Variants in ATP6V0E2 observed in about 807,000 individuals in gnomAD.
ATP6V0E2 encodes ATPase H+ transporting V0 subunit e2.
A neutral mutation model predicts 11.5 loss-of-function variants in ATP6V0E2; 4 were observed. The observed-to-expected ratio is 0.35, with a 90% CI of 0.17 to 0.80. ATP6V0E2 has a LOEUF of 0.80. ATP6V0E2 is among the 30% of genes least tolerant of loss of function. ATP6V0E2 has a pLI of 0.53. For missense variants in ATP6V0E2, 93 were observed against 113.5 expected (o/e 0.82, Z 0.82); for synonymous variants, 52 against 51.0 (o/e 1.02, Z -0.09).
At chr7:149,874,382 G>A (rs762040992) in intron 1 of ATP6V0E2, among the ~76,000 whole-genome samples, 1 of 152,174 alleles carries the variant, frequency 6.6e-6, no homozygotes, top group Non-Finnish European at 1.5e-5. Flanking sequence ...TATCCAGAAG[G>A]TAAAGAGGAG....
Position 149,874,134 on chromosome 7 carries a change from C to A in ATP6V0E2, c.69C>A (p.Ala23=). Reference sequence around the variant, plus strand: ...CGTTCTGGGGCCTCGTCGGCATCGCCGGGCCCTGGTTCGTGCCGAAGGGAC... The same window carrying A: ...CGTTCTGGGGCCTCGTCGGCATCGCAGGGCCCTGGTTCGTGCCGAAGGGAC... ...FTTFWGLVGI[A]GPWFVPKGPN... The change falls in exon 1 of 4, where the codon GCC becomes GCA. Residue 23 remains alanine (A), a synonymous_variant. Transcript: ENST00000425642. The A allele has an allele frequency of 6.5e-7, 1 of 1,549,868 alleles. No individual in the cohort carries two copies.
upstream of ATP6V0E2, chr7:149,873,885 T>G (rs148579932): frequency 1.3e-6 from 2 of 1,490,884 alleles, no homozygotes; most frequent in Non-Finnish European, 8.9e-7. Context: ...CCTAGGCAGG[T>G]CCTGAGTGAC....
In ATP6V0E2 at chr7:149,880,632, G is replaced by C. The variant is rs1803418749; in HGVS notation, c.*1317G>C. 2 of 152,398 alleles carry C rather than the reference G, an allele frequency of 1.3e-5. No homozygotes were observed. Among genetic ancestry groups the C allele is most frequent in the Non-Finnish European group, 2.9e-5 (2 of 68,176 alleles). 9.4% of individuals were successfully genotyped at this position (152,398 alleles called of 1,614,324 possible). A position where few individuals can be genotyped will look rare whatever the true frequency, so the allele number is the denominator to read the frequency against. On this transcript the variant is annotated 3_prime_UTR_variant, in exon 4 of 4. Coordinates refer to ENST00000425642, the MANE Select transcript of ATP6V0E2 (RefSeq NM_145230.4). ...TCCGTCGCCCCTCCTGTTGGGTAAGGGTGTTGAGTGTGACTTGTGCTGAAA... is the reference window on the plus strand; with the variant it reads ...TCCGTCGCCCCTCCTGTTGGGTAAGCGTGTTGAGTGTGACTTGTGCTGAAA...
intron 2 of ATP6V0E2, chr7:149,876,196 T>C (rs1033125002): frequency 9.4e-6 from 4 of 425,184 alleles, no homozygotes; most frequent in African/African-American, 2.0e-5. Context: ...GCCAACATAG[T>C]GAAACTCCGT....
chr7:149,878,570 C>T, intron 2 of ATP6V0E2, 108 bp from the exon 3 acceptor site: 3 of 882,954 alleles, frequency 3.4e-6, no homozygotes, highest in Non-Finnish European at 5.1e-6. Flanking sequence ...AACACAGGCC[C>T]TGCCATCTGC....
At position 149,879,487 on chromosome 7, in the gene ATP6V0E2, C is replaced by T; in HGVS notation, c.*172C>T. The T allele has an allele frequency of 6.3e-7, 1 of 1,592,628 alleles. No homozygotes were observed. Among genetic ancestry groups the T allele is most frequent in the African/African-American group, 1.3e-5 (1 of 74,386 alleles). On this transcript the variant is annotated 3_prime_UTR_variant, in exon 4 of 4. Coordinates refer to ENST00000425642, the MANE Select transcript of ATP6V0E2 (RefSeq NM_145230.4). Reference sequence around the variant, plus strand: ...GGCCTGCCTGGTTCCTGGAAGTCTTCCCAGTCTTCCCAGCCAGCCCGGGCC... The same window carrying T: ...GGCCTGCCTGGTTCCTGGAAGTCTTTCCAGTCTTCCCAGCCAGCCCGGGCC...
intron 1 of ATP6V0E2, 68 bp from the exon 2 acceptor site, chr7:149,875,530 C>T (rs1803077966): frequency 6.5e-7 from 1 of 1,533,886 alleles, no homozygotes; most frequent in African/African-American, 1.4e-5. Context: ...TCTTCTTGCT[C>T]TGGTCCTGGC....
intron 3 of ATP6V0E2, 77 bp from the exon 4 acceptor site, chr7:149,879,258 G>C: frequency 7.1e-7 from 1 of 1,417,992 alleles, no homozygotes. Flanking sequence ...AGGGGTGAGG[G>C]GGCTTTCCAG....
In ATP6V0E2 at chr7:149,879,753, C is replaced by G; in HGVS notation, c.*438C>G. 1 of 1,153,416 alleles carries G rather than the reference C, an allele frequency of 8.7e-7. No individual in the cohort carries two copies. Among genetic ancestry groups the G allele is most frequent in the Non-Finnish European group, 1.1e-6 (1 of 884,720 alleles). The allele number at this position is 1,153,416 out of a possible 1,614,324, so 71.4% of individuals were successfully genotyped here. On this transcript the variant is annotated 3_prime_UTR_variant, in exon 4 of 4. Coordinates refer to ENST00000425642, the MANE Select transcript of ATP6V0E2 (RefSeq NM_145230.4). Reference sequence around the variant, plus strand: ...CAGTGCCCAGTCAGCAGCTCTGCCACCATCCTGCTGGGAACTGGGGGGGCC... The same window carrying G: ...CAGTGCCCAGTCAGCAGCTCTGCCAGCATCCTGCTGGGAACTGGGGGGGCC...
At chr7:149,875,875 A>G (rs1803105420) in intron 2 of ATP6V0E2, 1 of 684,234 alleles carries the variant, frequency 1.5e-6, no homozygotes, top group Non-Finnish European at 2.7e-6. Flanking sequence ...TCTGGCCCCC[A>G]TGGGCTGTAG....
chr7:149,880,648 T>C lies in ATP6V0E2; in HGVS notation c.*1333T>C, dbSNP rs1803420602. The stretch of plus-strand genomic sequence containing the variant: ...TTGGGTAAGGGTGTTGAGTGTGACT[T>C]GTGCTGAAAACCTGGTTCATATATA... On this transcript the variant is annotated 3_prime_UTR_variant, in exon 4 of 4. Coordinates refer to ENST00000425642, the MANE Select transcript of ATP6V0E2 (RefSeq NM_145230.4). The C allele has an allele frequency of 6.6e-6, 1 of 152,376 alleles. No homozygotes were observed. Among genetic ancestry groups the C allele is most frequent in the African/African-American group, 2.4e-5 (1 of 41,470 alleles). The allele number at this position is 152,376 out of a possible 1,614,324, so 9.4% of individuals were successfully genotyped here. A position where few individuals can be genotyped will look rare whatever the true frequency, so the allele number is the denominator to read the frequency against.
chr7:149,879,551 C>T lies in ATP6V0E2; in HGVS notation c.*236C>T, dbSNP rs114708653. On this transcript the variant is annotated 3_prime_UTR_variant, in exon 4 of 4. Coordinates refer to ENST00000425642, the MANE Select transcript of ATP6V0E2 (RefSeq NM_145230.4). ...GGCACAGCAGCGGCCGAGGGGATGT[C>T]CTGCTCCAATACCCGCACTGCTCTG... The T allele has an allele frequency of 3.3e-3, 5,150 of 1,553,636 alleles. 121 individuals carry two copies. The African/African-American group carries it at 0.057, about 17-fold the overall frequency.
At chr7:149,875,899 G>T in intron 2 of ATP6V0E2, 1 of 672,302 alleles carries the variant, frequency 1.5e-6, no homozygotes, top group Non-Finnish European at 2.7e-6. Flanking sequence ...TCTCACCTGG[G>T]CAAGGAAGGA....
In ATP6V0E2 at chr7:149,879,646, C is replaced by T. The variant is rs10234446; in HGVS notation, c.*331C>T. 12,184 of 1,455,700 alleles carry T rather than the reference C, an allele frequency of 8.4e-3. 777 individuals are homozygous for T. The African/African-American group carries it at 0.15, about 18-fold the overall frequency. 90.2% of individuals were successfully genotyped at this position (1,455,700 alleles called of 1,614,324 possible). On this transcript the variant is annotated 3_prime_UTR_variant, in exon 4 of 4. Transcript: ENST00000425642. The stretch of plus-strand genomic sequence containing the variant: ...TGGGTGGGGTCTTTCCCTTTACAGA[C>T]GGGGCAGATGCCAGGACTCAGCCCA...
intron 2 of ATP6V0E2, among the ~76,000 whole-genome samples, chr7:149,878,343 C>G (rs1803260978): frequency 6.6e-6 from 1 of 152,118 alleles, no homozygotes; most frequent in Admixed American, 6.5e-5. Flanking sequence ...GCCGGGGGAG[C>G]CTGGACAGAG....
At chr7:149,877,188 G>T (rs928277504) in intron 2 of ATP6V0E2, among the ~76,000 whole-genome samples, 1 of 152,004 alleles carries the variant, frequency 6.6e-6, no homozygotes, top group Non-Finnish European at 1.5e-5. Context: ...ATTGCACCCG[G>T]CTGTTAACTA....
At position 149,879,398 on chromosome 7, in the gene ATP6V0E2, C is replaced by T; in HGVS notation, c.*83C>T. On this transcript the variant is annotated 3_prime_UTR_variant, in exon 4 of 4. Coordinates refer to ENST00000425642, the MANE Select transcript of ATP6V0E2 (RefSeq NM_145230.4). ...TGACAACCCCTTCGTCCGGACCCTC[C>T]CCCACACAACTATGTCTGGTCACCA... is the stretch of plus-strand genomic sequence containing the variant. 1 of 1,600,436 alleles carries T rather than the reference C, an allele frequency of 6.2e-7. No homozygotes were observed. The highest frequency in any genetic ancestry group is 1.1e-5 in the South Asian group (1 of 88,710).
rs201502653 is a variant in ATP6V0E2 at position 149,879,651 on chromosome 7, C to A, written c.*336C>A. The A allele has an allele frequency of 1.1e-3, 1,589 of 1,457,134 alleles. 25 individuals are homozygous for A. The South Asian group carries it at 0.019, about 17-fold the overall frequency. 90.3% of individuals were successfully genotyped at this position (1,457,134 alleles called of 1,614,324 possible). ...GGGGTCTTTCCCTTTACAGACGGGG[C>A]AGATGCCAGGACTCAGCCCATCCTG... is the stretch of plus-strand genomic sequence containing the variant. On this transcript the variant is annotated 3_prime_UTR_variant, in exon 4 of 4. Coordinates refer to ENST00000425642, the MANE Select transcript of ATP6V0E2 (RefSeq NM_145230.4).
chr7:149,874,041 C>T lies in ATP6V0E2; in HGVS notation c.-25C>T, dbSNP rs954296063. Reference sequence around the variant, plus strand: ...AGCGCCCGCTGCTCGGCCCTGCATCCTGCCTGGGCATCCTGCGCCCGGCCA... The same window carrying T: ...AGCGCCCGCTGCTCGGCCCTGCATCTTGCCTGGGCATCCTGCGCCCGGCCA... On this transcript the variant is annotated 5_prime_UTR_variant, in exon 1 of 4. Transcript: ENST00000425642. 4 of 1,549,664 alleles carry T rather than the reference C, an allele frequency of 2.6e-6. No homozygotes were observed. In the Admixed American group the frequency reaches 7.8e-5, roughly 30 times the overall value.
Sources: allele counts gnomAD v4.1 joint callset (sites outside exome capture counted in the v4.1 genomes callset), GRCh38; gene constraint gnomAD v4.1.1; transcripts MANE v1.5; gene names NCBI Gene and HGNC (gene_info 2026-07-23, HGNC 2026-07-21).